The following REC114 variants were observed in gnomAD, a reference collection of about 807,000 sequenced individuals.
REC114 encodes meiotic recombination protein REC114.
REC114 carries 27 observed loss-of-function variants against 31.3 expected under a neutral mutation model. The observed-to-expected ratio is 0.86, with a 90% confidence interval of 0.64 to 1.19. The LOEUF (loss-of-function observed/expected upper bound fraction) is 1.19, where lower values mean the gene tolerates loss of function less well. Ranked by LOEUF, REC114 falls within the 50% of genes most tolerant of loss-of-function variation. The probability of loss-of-function intolerance (pLI) is 0.00; values close to 1 mark genes in which losing one functional copy is unlikely to be tolerated. For synonymous variants in REC114, 134 were observed against 127.7 expected (o/e 1.05, Z -0.33); for missense variants, 344 against 326.9 (o/e 1.05, Z -0.40).
chr15:73,461,089 A>C (rs1027752635), intron 1 of REC114, among the ~76,000 whole-genome samples: 5 of 151,088 alleles, frequency 3.3e-5, no homozygotes, highest in Admixed American at 6.6e-5. Flanking sequence ...AAAGTTCTCT[A>C]TATATATGAT....
chr15:73,530,744 T>C (rs1894068232), intron 2 of REC114, among the ~76,000 whole-genome samples: 1 of 103,952 alleles, frequency 9.6e-6, no homozygotes, highest in Non-Finnish European at 2.1e-5. Context: ...TCTCTTATCA[T>C]GGATTTTTTT....
chr15:73,517,250 T>C (rs1309054320), intron 2 of REC114, among the ~76,000 whole-genome samples: 1 of 152,202 alleles, frequency 6.6e-6, no homozygotes, highest in African/African-American at 2.4e-5. Context: ...TAGGAAGCTA[T>C]TGAAGAATTC....
chr15:73,468,900 A>G (rs539971431), intron 1 of REC114, among the ~76,000 whole-genome samples: 1 of 152,004 alleles, frequency 6.6e-6, no homozygotes, highest in South Asian at 2.1e-4. Context: ...TTAATTTCTT[A>G]TTTACCCATG....
chr15:73,507,099 A>G (rs1567877707), intron 2 of REC114, among the ~76,000 whole-genome samples: 1 of 152,192 alleles, frequency 6.6e-6, no homozygotes, highest in Non-Finnish European at 1.5e-5. Context: ...ACTCAAGACT[A>G]AGTGTTCATT....
intron 2 of REC114, among the ~76,000 whole-genome samples, chr15:73,523,475 G>C (rs1177335055): frequency 6.6e-6 from 1 of 152,224 alleles, no homozygotes; most frequent in East Asian, 1.9e-4. Context: ...CCAAGACTTA[G>C]CTATTGTTAC....
intron 1 of REC114, among the ~76,000 whole-genome samples, chr15:73,469,099 C>G (rs140873392): frequency 4.5e-4 from 69 of 152,164 alleles, no homozygotes; most frequent in Middle Eastern, 3.4e-3. Context: ...ATGGAGTGTT[C>G]AATAAATGTC....
chr15:73,447,815 T>A lies in REC114; in HGVS notation c.159+4471T>A, dbSNP rs149213845. Among the ~76,000 whole-genome samples the A allele has an allele frequency of 6.8e-3, 1,039 of 152,228 alleles. 11 individuals carry two copies. The highest frequency in any genetic ancestry group is 0.023 in the African/African-American group (967 of 41,542). On this transcript the variant is annotated intron_variant, in intron 1 of 5. Transcript: ENST00000331090. ...ACCTGGTTCATCTCATTGGGACTGG[T>A]TGGACAGTGGGTGCAGGCCATGGGG...
At chr15:73,536,262 A>T (rs1005898274) in intron 2 of REC114, among the ~76,000 whole-genome samples, 5 of 152,170 alleles carry the variant, frequency 3.3e-5, no homozygotes, top group Admixed American at 1.3e-4. Context: ...CTGCCTCAGC[A>T]CTTTCCTGGG....
chr15:73,470,133 T>C (rs909871772), intron 1 of REC114, among the ~76,000 whole-genome samples: 6 of 152,312 alleles, frequency 3.9e-5, no homozygotes, highest in African/African-American at 1.4e-4. Context: ...TTATATTTAA[T>C]ATGATTATTG....
intron 2 of REC114, among the ~76,000 whole-genome samples, chr15:73,539,482 A>G (rs1221944952): frequency 2.0e-4 from 25 of 122,344 alleles, no homozygotes; most frequent in African/African-American, 8.1e-4. Context: ...TTTTTTTTTT[A>G]AGGAAAGCAT....
intron 2 of REC114, among the ~76,000 whole-genome samples, chr15:73,538,602 A>G (rs1166469797): frequency 6.6e-6 from 1 of 151,452 alleles, no homozygotes; most frequent in East Asian, 1.9e-4. Flanking sequence ...GACTACAGGC[A>G]CCCGCCACCG....
intron 2 of REC114, among the ~76,000 whole-genome samples, chr15:73,536,300 T>G (rs1566947282): frequency 6.6e-6 from 1 of 152,206 alleles, no homozygotes; most frequent in Non-Finnish European, 1.5e-5. Context: ...CAATTAACAG[T>G]AACTTCCTTT....
chr15:73,558,545 T>C (rs1894511052), intron 5 of REC114, among the ~76,000 whole-genome samples: 2 of 152,226 alleles, frequency 1.3e-5, no homozygotes, highest in South Asian at 2.1e-4. Flanking sequence ...CAAATAAGCA[T>C]GTGAAAAGAT....
chr15:73,459,451 T>G (rs1028918874), intron 1 of REC114, among the ~76,000 whole-genome samples: 1 of 152,078 alleles, frequency 6.6e-6, no homozygotes. Context: ...AGGCTGTTTT[T>G]GAGCTCCTGA....
intron 2 of REC114, among the ~76,000 whole-genome samples, chr15:73,508,119 C>T (rs149499450): frequency 6.6e-6 from 1 of 152,212 alleles, no homozygotes; most frequent in African/African-American, 2.4e-5. Context: ...ACTACAAGCT[C>T]TCTGAGGTCA....
At chr15:73,526,588 G>A (rs913162519) in intron 2 of REC114, among the ~76,000 whole-genome samples, 3 of 152,054 alleles carry the variant, frequency 2.0e-5, no homozygotes, top group African/African-American at 7.2e-5. Context: ...TAACAATAGT[G>A]TACTTCCATT....
chr15:73,493,045 C>G (rs529083709), intron 2 of REC114, among the ~76,000 whole-genome samples: 1 of 151,424 alleles, frequency 6.6e-6, no homozygotes, highest in East Asian at 1.9e-4. Context: ...GAGACAGAGT[C>G]TCACTCTGAC....
At chr15:73,481,018 T>C (rs1487630455) in intron 2 of REC114, among the ~76,000 whole-genome samples, 1 of 152,170 alleles carries the variant, frequency 6.6e-6, no homozygotes, top group East Asian at 1.9e-4. Context: ...CCATAGAAAG[T>C]TTTAGCCATT....
At chr15:73,508,767 C>G (rs1475716048) in intron 2 of REC114, among the ~76,000 whole-genome samples, 1 of 151,018 alleles carries the variant, frequency 6.6e-6, no homozygotes, top group Non-Finnish European at 1.5e-5. Flanking sequence ...CTACAAAGGA[C>G]GTGAACTCAT....
Sources: gnomAD v4.1 joint callset for allele counts (sites outside exome capture counted in the v4.1 genomes callset) on GRCh38, gnomAD v4.1.1 for gene constraint, MANE v1.5 for transcripts, NCBI Gene and HGNC (gene_info 2026-07-23, HGNC 2026-07-21) for gene names.